Variants in CNTNAP5 observed in about 807,000 individuals in gnomAD.
CNTNAP5 encodes the protein contactin associated protein family member 5.
A neutral mutation model predicts 150.2 loss-of-function variants in CNTNAP5; 72 were observed. That is an observed-to-expected ratio of 0.48 (90% CI 0.40 to 0.58). The LOEUF (loss-of-function observed/expected upper bound fraction) is 0.58. CNTNAP5 is among the 20% of genes least tolerant of loss of function. CNTNAP5 has a pLI of 0.00. For missense variants in CNTNAP5, 1,636 were observed against 1,626.2 expected, an observed-to-expected ratio of 1.01 and a Z score of -0.10; for synonymous variants, 672 against 619.8, an observed-to-expected ratio of 1.08 and a Z score of -1.25.
intron 17 of CNTNAP5, among the ~76,000 whole-genome samples, chr2:124,786,514 A>AGGGAGG: frequency 6.7e-6 from 1 of 150,038 alleles, no homozygotes; most frequent in African/African-American, 2.5e-5. Context: ...AGAAAAAGAA[A>AGGGAGG]GAAAGAAAGA....
intron 12 of CNTNAP5, among the ~76,000 whole-genome samples, chr2:124,617,316 T>C (rs541293333): frequency 6.6e-6 from 1 of 152,218 alleles, no homozygotes; most frequent in African/African-American, 2.4e-5. Flanking sequence ...GTATATTTTC[T>C]CACAGTTCTA....
At chr2:124,618,168 C>T (rs1002038425) in intron 12 of CNTNAP5, among the ~76,000 whole-genome samples, 1 of 152,118 alleles carries the variant, frequency 6.6e-6, no homozygotes, top group Non-Finnish European at 1.5e-5. Context: ...GCACAAACAT[C>T]TGCTGTCTCA....
At chr2:124,700,915 T>G (rs1679506831) in intron 13 of CNTNAP5, among the ~76,000 whole-genome samples, 1 of 152,134 alleles carries the variant, frequency 6.6e-6, no homozygotes, top group Non-Finnish European at 1.5e-5. Context: ...CAAATACATT[T>G]GCACCAACCT....
At chr2:124,614,511 G>A (rs7591540) in intron 12 of CNTNAP5, among the ~76,000 whole-genome samples, 70,762 of 152,066 alleles carry the variant, frequency 0.47, 17,029 homozygotes, top group East Asian at 0.8. Context: ...TTTATCATGA[G>A]TTTTCCAGGA....
chr2:124,657,131 TG>T (rs1678476479), intron 13 of CNTNAP5, among the ~76,000 whole-genome samples: 1 of 152,180 alleles, frequency 6.6e-6, no homozygotes, highest in East Asian at 1.9e-4. Context: ...TCTCATAGTG[TG>T]GCCATTCAAA....
intron 1 of CNTNAP5, among the ~76,000 whole-genome samples, chr2:124,213,906 T>C (rs913235489): frequency 2.0e-5 from 3 of 152,156 alleles, no homozygotes; most frequent in Non-Finnish European, 4.4e-5. Context: ...ACAGATGCTC[T>C]TGAAATTCAA....
chr2:124,387,354 A>T (rs958885955), intron 3 of CNTNAP5, among the ~76,000 whole-genome samples: 1 of 152,210 alleles, frequency 6.6e-6, no homozygotes, highest in Admixed American at 6.5e-5. Flanking sequence ...ATACTCTGAG[A>T]TCAAAGTTTC....
At chr2:124,563,379 T>C (rs200902344) in intron 11 of CNTNAP5, 56 bp downstream of exon 11, 407 of 1,003,902 alleles carry the variant, frequency 4.1e-4, no homozygotes, top group Non-Finnish European at 5.8e-4. Context: ...AGGAACACCA[T>C]TGTTAACTTC....
chr2:124,410,367 C>A (rs1273129736), intron 3 of CNTNAP5, among the ~76,000 whole-genome samples: 1 of 151,792 alleles, frequency 6.6e-6, no homozygotes, highest in Admixed American at 6.6e-5. Flanking sequence ...CTCAGCTCTG[C>A]ACCAAGCGGA....
chr2:124,277,838 C>T (rs77463648), intron 3 of CNTNAP5, among the ~76,000 whole-genome samples: 2,060 of 152,222 alleles, frequency 0.014, 26 homozygotes, highest in Middle Eastern at 0.037. Context: ...AATCTAGATT[C>T]ATTTGCAGTC....
At chr2:124,145,729 G>C (rs1325297979) in intron 1 of CNTNAP5, among the ~76,000 whole-genome samples, 1 of 127,386 alleles carries the variant, frequency 7.9e-6, no homozygotes, top group Non-Finnish European at 1.6e-5. Context: ...CACCAGCATG[G>C]CACATGTATA....
At chr2:124,556,544 T>C (rs1165978134) in intron 10 of CNTNAP5, among the ~76,000 whole-genome samples, 1 of 152,184 alleles carries the variant, frequency 6.6e-6, no homozygotes, top group Middle Eastern at 3.2e-3. Flanking sequence ...CTTGCTCTTG[T>C]GTTGGGAATT....
At chr2:124,666,754 G>A (rs2105052018) in intron 13 of CNTNAP5, among the ~76,000 whole-genome samples, 1 of 152,234 alleles carries the variant, frequency 6.6e-6, no homozygotes, top group African/African-American at 2.4e-5. Flanking sequence ...GCCAGTGAGG[G>A]CCATCACCTC....
intron 3 of CNTNAP5, among the ~76,000 whole-genome samples, chr2:124,316,208 G>A (rs1039430050): frequency 6.6e-6 from 1 of 152,152 alleles, no homozygotes; most frequent in African/African-American, 2.4e-5. Context: ...CATGCCTGCA[G>A]ACCACACTTT....
At chr2:124,639,481 C>G (rs1176380100) in intron 12 of CNTNAP5, among the ~76,000 whole-genome samples, 3 of 152,048 alleles carry the variant, frequency 2.0e-5, no homozygotes, top group African/African-American at 7.2e-5. Flanking sequence ...TCTTTTCTGA[C>G]CCGGTACAAG....
At chr2:124,584,377 G>A (rs1696483441) in intron 11 of CNTNAP5, among the ~76,000 whole-genome samples, 1 of 152,112 alleles carries the variant, frequency 6.6e-6, no homozygotes. Flanking sequence ...CTATAAGCAT[G>A]ATCTAGTAGG....
intron 13 of CNTNAP5, among the ~76,000 whole-genome samples, chr2:124,657,177 G>A (rs188630657): frequency 1.3e-5 from 2 of 152,208 alleles, no homozygotes; most frequent in East Asian, 3.9e-4. Flanking sequence ...TTCATAGCTT[G>A]GGGGCACACC....
At chr2:124,438,425 A>C (rs1692589751) in intron 5 of CNTNAP5, among the ~76,000 whole-genome samples, 1 of 152,204 alleles carries the variant, frequency 6.6e-6, no homozygotes, top group Non-Finnish European at 1.5e-5. Flanking sequence ...AGAAGACAAC[A>C]ATAGTACATG....
intron 12 of CNTNAP5, among the ~76,000 whole-genome samples, chr2:124,610,785 C>G (rs2104985309): frequency 6.6e-6 from 1 of 152,122 alleles, no homozygotes; most frequent in South Asian, 2.1e-4. Context: ...ACGGTGAAAC[C>G]CTGTCTCTAC....
Sources: allele counts gnomAD v4.1 joint callset (sites outside exome capture counted in the v4.1 genomes callset), GRCh38; gene constraint gnomAD v4.1.1; transcripts MANE v1.5; gene names NCBI Gene and HGNC (gene_info 2026-07-23, HGNC 2026-07-21).